The following RBKS variants were observed in gnomAD, a reference collection of about 807,000 sequenced individuals.
The protein encoded by RBKS is ribokinase.
In RBKS, 33 loss-of-function variants were observed where a neutral mutation model predicts 33.9. The ratio of observed to expected loss-of-function variants is 0.97; its 90% CI spans 0.74 to 1.30. The LOEUF (loss-of-function observed/expected upper bound fraction) is 1.30, where lower values mean the gene tolerates loss of function less well. Among genes scored for constraint, RBKS ranks in the 50% most tolerant of loss-of-function variants. The probability of loss-of-function intolerance (pLI) is 0.00; values close to 1 mark genes in which losing one functional copy is unlikely to be tolerated. For missense variants in RBKS, 361 were observed against 392.6 expected, an observed-to-expected ratio of 0.92 and a Z score of 0.68; for synonymous variants, 125 against 143.0, an observed-to-expected ratio of 0.87 and a Z score of 0.90.
rs1317430599 is a variant in RBKS, at chr2:27,865,131, T to C, written c.90-6560A>G. On this transcript the variant is annotated intron_variant, in intron 1 of 7. Coordinates refer to ENST00000302188, the MANE Select transcript of RBKS (RefSeq NM_022128.3). ...GTCAGGAGATCAAGACCATCCTGGC[T>C]AACACGGTGAAACCTCATCTCTACT... 2.6e-5 allele frequency among the ~76,000 whole-genome samples: 4 copies of C among 152,126 alleles called. No individual in the cohort carries two copies. The East Asian group carries it at 5.8e-4, about 22-fold the overall frequency.
chr2:27,859,411 C>T (rs1663927211), intron 1 of RBKS, among the ~76,000 whole-genome samples: 1 of 152,032 alleles, frequency 6.6e-6, no homozygotes, highest in South Asian at 2.1e-4. Context: ...GAATTTTTAC[C>T]ATAATGCTAT....
Position 27,781,643 on chromosome 2 carries a change from T to C in RBKS, c.941A>G (p.Lys314Arg). Residue 314 changes from lysine (K) to arginine (R), a missense_variant, in exon 8 of 8, where the codon AAA (lysine) becomes AGA (arginine). By Grantham distance (26) the Lys-to-Arg change is conservative. Transcript: ENST00000302188. ...AAGTQSSYPY[K>R]KDLPLTLF ...AAACAGAGTAAGCGGAAGGTCTTTT[T>C]TGTAAGGGTAAGATGACTGTGTTCC... 2.5e-6 allele frequency: 4 copies of C among 1,612,988 alleles called. No individual in the cohort carries two copies. Among genetic ancestry groups the C allele is most frequent in the African/African-American group, 1.3e-5 (1 of 74,954 alleles).
chr2:27,889,789 A>G (rs899647199), intron 1 of RBKS, among the ~76,000 whole-genome samples: 2 of 152,182 alleles, frequency 1.3e-5, no homozygotes, highest in African/African-American at 4.8e-5. Flanking sequence ...TATTTTATAC[A>G]ATAAGCTCAG....
intron 7 of RBKS, among the ~76,000 whole-genome samples, chr2:27,793,794 C>T (rs1311104628): frequency 6.6e-6 from 1 of 151,786 alleles, no homozygotes; most frequent in African/African-American, 2.4e-5. Flanking sequence ...TCCTTTTTTT[C>T]AGGAGACATA....
At position 27,882,607 on chromosome 2, in the gene RBKS, G is replaced by A. The variant is rs926545762; in HGVS notation, c.89+7650C>T. Among the ~76,000 whole-genome samples, 5 of 152,112 alleles carry A rather than the reference G, an allele frequency of 3.3e-5. No homozygotes were observed. In the South Asian group the frequency reaches 1.0e-3, roughly 31 times the overall value. On this transcript the variant is annotated intron_variant, in intron 1 of 7. Transcript: ENST00000302188. ...TACTCACAGGAATATAAATCATTCT[G>A]TAACAAAGACACATGCATGTGTATG...
At chr2:27,865,571 C>CTTTTTTTTTTTTTTTTTTTTTTTTTTTTT (rs5830052) in intron 1 of RBKS, among the ~76,000 whole-genome samples, 1 of 63,944 alleles carries the variant, frequency 1.6e-5, no homozygotes, top group Non-Finnish European at 3.3e-5. Flanking sequence ...TCTCCTCCTC[C>CTTTTTTTTTTTTTTTTTTTTTTTTTTTTT]TTTTTTTTTT....
At chr2:27,784,912 T>G (rs1677370200) in intron 7 of RBKS, among the ~76,000 whole-genome samples, 2 of 152,162 alleles carry the variant, frequency 1.3e-5, no homozygotes, top group African/African-American at 4.8e-5. Context: ...CACTCTCAGT[T>G]TGCAGCACAG....
At chr2:27,831,989 A>G (rs922313168) in intron 6 of RBKS, among the ~76,000 whole-genome samples, 2 of 152,234 alleles carry the variant, frequency 1.3e-5, no homozygotes, top group Admixed American at 6.5e-5. Context: ...ACTAACGTGT[A>G]TACCTGCATC....
intron 5 of RBKS, among the ~76,000 whole-genome samples, chr2:27,838,823 T>C (rs1464745147): frequency 6.6e-6 from 1 of 152,230 alleles, no homozygotes; most frequent in East Asian, 1.9e-4. Flanking sequence ...CAGTAATTAT[T>C]ATTAATTACA....
intron 2 of RBKS, among the ~76,000 whole-genome samples, chr2:27,848,838 C>CAAAAA (rs58195900): frequency 1.0e-5 from 1 of 95,482 alleles, no homozygotes; most frequent in Non-Finnish European, 2.2e-5. Context: ...GAGACTGTCT[C>CAAAAA]AAAAAAAAAA....
In RBKS at chr2:27,810,092, C is replaced by A. The variant is rs367789931; in HGVS notation, c.795+17475G>T. The stretch of plus-strand genomic sequence containing the variant: ...CTGAGCAATTGTTCTGTGAATCTAA[C>A]TGCATTGAAAGCTGGTGTGGATGAT... On this transcript the variant is annotated intron_variant, in intron 7 of 7. Coordinates refer to ENST00000302188, the MANE Select transcript of RBKS (RefSeq NM_022128.3). This position sits in a 1 kb window ranked among gnomAD's most constrained non-coding sequence, Gnocchi z 4.4. The A allele has an allele frequency of 2.0e-5, 26 of 1,302,826 alleles. 1 individual carries two copies. In the South Asian group the frequency reaches 3.2e-4, roughly 16 times the overall value. The allele number at this position is 1,302,826 out of a possible 1,614,324, so 80.7% of individuals were successfully genotyped here. A position where few individuals can be genotyped will look rare whatever the true frequency, so the allele number is the denominator to read the frequency against.
chr2:27,828,049 C>T (rs1678351921), intron 6 of RBKS, among the ~76,000 whole-genome samples: 1 of 152,164 alleles, frequency 6.6e-6, no homozygotes, highest in Non-Finnish European at 1.5e-5. Context: ...TGTGTTTCCT[C>T]TTAGGAGATG....
intron 1 of RBKS, among the ~76,000 whole-genome samples, chr2:27,885,971 ATTG>A (rs1269073747): frequency 6.6e-6 from 1 of 152,184 alleles, no homozygotes; most frequent in Non-Finnish European, 1.5e-5. Flanking sequence ...ATATTCACAC[ATTG>A]TTGTTTTGTT....
At chr2:27,859,486 T>C (rs1315593704) in intron 1 of RBKS, among the ~76,000 whole-genome samples, 3 of 152,206 alleles carry the variant, frequency 2.0e-5, no homozygotes, top group Non-Finnish European at 4.4e-5. Context: ...CAGGGTAAGA[T>C]TTTTATATTT....
At chr2:27,838,782 TG>T (rs1435920236) in intron 5 of RBKS, among the ~76,000 whole-genome samples, 1 of 152,174 alleles carries the variant, frequency 6.6e-6, no homozygotes, top group Non-Finnish European at 1.5e-5. Flanking sequence ...TGGAGTAACT[TG>T]GAGTTGCAGA....
rs1442118319 is a variant in RBKS, at chr2:27,813,629, TA to T, written c.795+13937del. Among the ~76,000 whole-genome samples, 11 of 151,492 alleles carry T rather than the reference TA, an allele frequency of 7.3e-5. 1 individual carries two copies. Among genetic ancestry groups the T allele is most frequent in the South Asian group, 6.2e-4 (3 of 4,806 alleles). On this transcript the variant is annotated intron_variant, in intron 7 of 7. Coordinates refer to ENST00000302188, the MANE Select transcript of RBKS (RefSeq NM_022128.3). ...GACAAAATTTAAAAGACATGAAGAA[TA>T]GAAAGAGAAGGTCTACATAGATCTA...
At chr2:27,863,388 C>T (rs958598382) in intron 1 of RBKS, among the ~76,000 whole-genome samples, 4 of 152,190 alleles carry the variant, frequency 2.6e-5, no homozygotes, top group Non-Finnish European at 5.9e-5. Flanking sequence ...TTTGAACCAG[C>T]TTCTTCTCTT....
chr2:27,819,694 T>G (rs1362334813), intron 7 of RBKS, among the ~76,000 whole-genome samples: 2 of 152,228 alleles, frequency 1.3e-5, no homozygotes, highest in Non-Finnish European at 2.9e-5. Context: ...AAGAGTTAAA[T>G]GGAAATCTAT....
intron 1 of RBKS, chr2:27,870,132 A>C (rs1664173481): frequency 6.6e-6 from 1 of 152,348 alleles, no homozygotes; most frequent in African/African-American, 2.4e-5. Context: ...AAAAGCTGAG[A>C]TAGGTGATCA....
Sources: allele counts gnomAD v4.1 joint callset (sites outside exome capture counted in the v4.1 genomes callset), GRCh38; gene constraint gnomAD v4.1.1; non-coding constraint Gnocchi (gnomAD v3.1); transcripts MANE v1.5; gene names NCBI Gene and HGNC (gene_info 2026-07-23, HGNC 2026-07-21).